Variants in DAAM2 observed in about 807,000 individuals in gnomAD.
DAAM2 encodes the protein disheveled-associated activator of morphogenesis 2.
Under a neutral mutation model 120.7 loss-of-function variants are expected in DAAM2, and 39 were observed. That is an observed-to-expected ratio of 0.32 (90% CI 0.25 to 0.42). The LOEUF is 0.42. Among genes scored for constraint, DAAM2 ranks in the 10% least tolerant of loss-of-function variants. The pLI is 1.00. For synonymous variants in DAAM2, 488 were observed against 524.9 expected (o/e 0.93, Z 0.96); for missense variants, 1,283 against 1,401.7 (o/e 0.92, Z 1.35).
chr6:39,823,897 C>A (rs892344457), intron 1 of DAAM2, among the ~76,000 whole-genome samples: 1 of 152,168 alleles, frequency 6.6e-6, no homozygotes, highest in Non-Finnish European at 1.5e-5. Context: ...CCCTCCTCCC[C>A]CTGCTGGGGT....
Position 39,896,914 on chromosome 6 carries a change from G to A in DAAM2, c.2444G>A (p.Gly815Glu). The A allele has an allele frequency of 1.2e-6, 2 of 1,613,766 alleles. No individual in the cohort carries two copies. The highest frequency in any genetic ancestry group is 2.2e-5 in the East Asian group (1 of 44,866). The change falls in exon 20 of 25, where the codon GGG (glycine) becomes GAG (glutamate). Residue 815 changes from glycine (G) to glutamate (E), a missense_variant. Physicochemically the swap from Gly to Glu is moderately conservative, Grantham distance 98. Coordinates refer to ENST00000274867, the MANE Select transcript of DAAM2 (RefSeq NM_001201427.2). ...AACTTCATGAACAAAGGGCAGCGTGGGGGCGCCTACGGGTTCCGGGTGGCC... is the reference window on the plus strand; with the variant it reads ...AACTTCATGAACAAAGGGCAGCGTGAGGGCGCCTACGGGTTCCGGGTGGCC... ...IGNFMNKGQR[G>E]GAYGFRVASL...
chr6:39,904,536 T>TAACA lies in DAAM2; in HGVS notation c.*2504_*2507dup, dbSNP rs571736221. 14 of 454,170 alleles carry TAACA rather than the reference T, an allele frequency of 3.1e-5. No individual in the cohort carries two copies. Among genetic ancestry groups the TAACA allele is most frequent in the Admixed American group, 1.6e-4 (7 of 42,574 alleles). 28.1% of individuals were successfully genotyped at this position (454,170 alleles called of 1,614,324 possible). On this transcript the variant is annotated 3_prime_UTR_variant, in exon 25 of 25. Coordinates refer to ENST00000274867, the MANE Select transcript of DAAM2 (RefSeq NM_001201427.2). The stretch of plus-strand genomic sequence containing the variant: ...GCCAATGTAAAATTCGTCATCAACC[T>TAACA]AACAAACACAACCTTCTCAGCAGCA...
At chr6:39,819,134 T>A (rs144847655) in intron 1 of DAAM2, 1 of 152,316 alleles carries the variant, frequency 6.6e-6, no homozygotes, top group East Asian at 1.9e-4. Flanking sequence ...TCACAGAGAA[T>A]GCAGGCTACA....
intron 1 of DAAM2, chr6:39,793,104 C>CT: frequency 6.6e-6 from 1 of 152,400 alleles, no homozygotes; most frequent in South Asian, 2.1e-4. Flanking sequence ...CGTCGGGACT[C>CT]TGACTTAACC....
At chr6:39,813,297 T>C (rs995967987) in intron 1 of DAAM2, among the ~76,000 whole-genome samples, 1 of 152,124 alleles carries the variant, frequency 6.6e-6, no homozygotes, top group Non-Finnish European at 1.5e-5. Flanking sequence ...GGGTGAATCA[T>C]AGGCGATGAG....
At chr6:39,852,804 C>T (rs532787860) in intron 1 of DAAM2, among the ~76,000 whole-genome samples, 1 of 152,348 alleles carries the variant, frequency 6.6e-6, no homozygotes, top group Admixed American at 6.5e-5. Context: ...AAAGCCTCTG[C>T]TCCCTACCCC....
At chr6:39,859,758 T>C (rs186489658) in intron 2 of DAAM2, among the ~76,000 whole-genome samples, 2 of 152,358 alleles carry the variant, frequency 1.3e-5, no homozygotes, top group Admixed American at 6.5e-5. Context: ...AATTTTTTAA[T>C]GTGACTAGAA....
At chr6:39,870,539 G>T in intron 8 of DAAM2, 96 bp downstream of exon 8, 1 of 774,188 alleles carries the variant, frequency 1.3e-6, no homozygotes. Context: ...CTTCCCTCTG[G>T]AGACCAGCTG....
chr6:39,868,030 T>C (rs1475316370), intron 6 of DAAM2, 187 bp downstream of exon 6: 3 of 606,072 alleles, frequency 4.9e-6, no homozygotes, highest in Non-Finnish European at 8.7e-6. Context: ...TAAAAACACA[T>C]GCAGGGCCTT....
chr6:39,798,561 A>G (rs1258044672), intron 1 of DAAM2, among the ~76,000 whole-genome samples: 1 of 152,336 alleles, frequency 6.6e-6, no homozygotes, highest in Non-Finnish European at 1.5e-5. Context: ...TTAAGACAAC[A>G]CAGATCAGGC....
At chr6:39,812,471 C>T (rs1198946088) in intron 1 of DAAM2, among the ~76,000 whole-genome samples, 3 of 152,118 alleles carry the variant, frequency 2.0e-5, no homozygotes, top group East Asian at 1.9e-4. Flanking sequence ...CCCTAAGACC[C>T]GTGCTTTCTG....
rs1766648792 is a variant in DAAM2 at position 39,904,172 on chromosome 6, C to G, written c.*2135C>G. The G allele has an allele frequency of 4.4e-6, 2 of 456,508 alleles. No individual in the cohort carries two copies. The highest frequency in any genetic ancestry group is 3.1e-5 in the South Asian group (2 of 64,540). 28.3% of individuals were successfully genotyped at this position (456,508 alleles called of 1,614,324 possible). A position where few individuals can be genotyped will look rare whatever the true frequency, so the allele number is the denominator to read the frequency against. Reference sequence around the variant, plus strand: ...AAACAAAAGGACTATGGAAGCTGTTCAAGATACATTTGATCTTCAGAAAAG... The same window carrying G: ...AAACAAAAGGACTATGGAAGCTGTTGAAGATACATTTGATCTTCAGAAAAG... On this transcript the variant is annotated 3_prime_UTR_variant, in exon 25 of 25. Coordinates refer to ENST00000274867, the MANE Select transcript of DAAM2 (RefSeq NM_001201427.2).
intron 1 of DAAM2, among the ~76,000 whole-genome samples, chr6:39,817,935 T>C (rs1762356240): frequency 6.6e-6 from 1 of 152,098 alleles, no homozygotes; most frequent in African/African-American, 2.4e-5. Flanking sequence ...TCCCAGCACT[T>C]TGGGAGGCCG....
In DAAM2 at chr6:39,904,582, TAA is replaced by T. The variant is rs147227788; in HGVS notation, c.*2547_*2548del. On this transcript the variant is annotated 3_prime_UTR_variant, in exon 25 of 25. Transcript: ENST00000274867. ...CAGCATTTCTCCCCTGTGATGGAAA[TAA>T]AGTGTTTAGGGCAGTGGGAGGAGAA... 1 of 454,088 alleles carries T rather than the reference TAA, an allele frequency of 2.2e-6. No individual in the cohort carries two copies. Among genetic ancestry groups the T allele is most frequent in the Non-Finnish European group, 4.4e-6 (1 of 226,964 alleles). The allele number at this position is 454,088 out of a possible 1,614,324, so 28.1% of individuals were successfully genotyped here.
At chr6:39,857,431 C>A (rs1764050579) in intron 2 of DAAM2, among the ~76,000 whole-genome samples, 1 of 152,216 alleles carries the variant, frequency 6.6e-6, no homozygotes, top group Non-Finnish European at 1.5e-5. Context: ...TGAGATTATG[C>A]AGGTTATATG....
chr6:39,864,530 C>T, intron 4 of DAAM2, 23 bp downstream of exon 4: 1 of 1,590,522 alleles, frequency 6.3e-7, no homozygotes, highest in Non-Finnish European at 8.6e-7. Context: ...CCCTCTCCTG[C>T]CCTGCCCCCA....
At position 39,831,795 on chromosome 6, in the gene DAAM2, TG is replaced by T. The variant is rs35437251; in HGVS notation, c.-56-24443del. Among the ~76,000 whole-genome samples, 88 of 13,040 alleles carry T rather than the reference TG, an allele frequency of 6.7e-3. 1 individual carries two copies. The highest frequency in any genetic ancestry group is 0.027 in the African/African-American group (64 of 2,400). The allele number at this position is 13,040 out of a possible 152,430, so 8.6% of individuals were successfully genotyped here. ...AGGTGTACTGAGGGGGCAGGTGCAC[TG>T]GGGGGGGGCAGGTGCAGTGCAGGGA... On this transcript the variant is annotated intron_variant, in intron 1 of 24. Coordinates refer to ENST00000274867, the MANE Select transcript of DAAM2 (RefSeq NM_001201427.2).
At chr6:39,868,499 C>T (rs1305544171) in intron 6 of DAAM2, 2 of 317,816 alleles carry the variant, frequency 6.3e-6, no homozygotes, top group South Asian at 5.2e-5. Flanking sequence ...CATAAATGAG[C>T]TAGGCAGGGA....
At chr6:39,821,036 G>A (rs1762471330) in intron 1 of DAAM2, 1 of 152,264 alleles carries the variant, frequency 6.6e-6, no homozygotes, top group African/African-American at 2.4e-5. Context: ...ACCACAGGAT[G>A]AGGCTAGTGC....
Sources: gnomAD v4.1 joint callset for allele counts (sites outside exome capture counted in the v4.1 genomes callset) on GRCh38, gnomAD v4.1.1 for gene constraint, MANE v1.5 for transcripts, NCBI Gene and HGNC (gene_info 2026-07-23, HGNC 2026-07-21) for gene names.